The following FER variants were observed in gnomAD, a reference collection of about 807,000 sequenced individuals.
FER encodes tyrosine-protein kinase Fer.
A neutral mutation model predicts 111.0 loss-of-function variants in FER; 63 were observed. The ratio of observed to expected loss-of-function variants is 0.57; its 90% CI spans 0.46 to 0.70. The LOEUF is 0.70. Ranked by LOEUF, FER falls within the 30% of genes least tolerant of loss-of-function variation. The probability of loss-of-function intolerance (pLI) is 0.00; values close to 1 mark genes in which losing one functional copy is unlikely to be tolerated. For missense variants in FER, 914 were observed against 954.0 expected (o/e 0.96, Z 0.55); for synonymous variants, 327 against 313.9 (o/e 1.04, Z -0.44).
intron 3 of FER, among the ~76,000 whole-genome samples, chr5:108,807,004 A>G (rs1389792297): frequency 6.6e-6 from 1 of 152,044 alleles, no homozygotes. Flanking sequence ...TCTCATATTG[A>G]ATTTTAACTC....
At chr5:108,835,510 ATTTG>A (rs1760559657) in intron 4 of FER, among the ~76,000 whole-genome samples, 194 bp from the exon 5 acceptor site, 1 of 151,978 alleles carries the variant, frequency 6.6e-6, no homozygotes, top group Admixed American at 6.6e-5. Flanking sequence ...AAAAAAGTTT[ATTTG>A]TTTTCACATG....
intron 5 of FER, among the ~76,000 whole-genome samples, chr5:108,864,921 G>A (rs1763881683): frequency 6.6e-6 from 1 of 151,778 alleles, no homozygotes; most frequent in Non-Finnish European, 1.5e-5. Flanking sequence ...TGATGGGGAT[G>A]GCATTGAATC....
At chr5:108,819,484 G>A (rs1226807441) in intron 3 of FER, among the ~76,000 whole-genome samples, 1 of 152,164 alleles carries the variant, frequency 6.6e-6, no homozygotes, top group Non-Finnish European at 1.5e-5. Context: ...ACTTTAGGCA[G>A]ATTAATTTAT....
chr5:109,164,671 C>T (rs935575505), intron 17 of FER, among the ~76,000 whole-genome samples: 1 of 152,054 alleles, frequency 6.6e-6, no homozygotes, highest in African/African-American at 2.4e-5. Context: ...AATATGGTTC[C>T]TTTTATTCTA....
rs1185689423 is a variant in FER, at chr5:108,959,213, T to A, written c.1534-12T>A. 6.2e-7 allele frequency: 1 copy of A among 1,607,526 alleles called. No homozygotes were observed. Among genetic ancestry groups the A allele is most frequent in the Non-Finnish European group, 8.5e-7 (1 of 1,177,310 alleles). ...TCTTCACATTTATTCTACCTTATTG[T>A]TCTCTCTCCAGAACATGTATCGATT... On this transcript the variant is annotated splice_polypyrimidine_tract_variant and intron_variant, in intron 12 of 19. Transcript: ENST00000281092.
intron 9 of FER, among the ~76,000 whole-genome samples, chr5:108,891,145 C>T (rs759486574): frequency 5.3e-5 from 8 of 152,034 alleles, no homozygotes; most frequent in Non-Finnish European, 1.2e-4. Flanking sequence ...AACATCTTTT[C>T]AATGTGCTGG....
At chr5:109,170,925 C>T (rs1193186507) in intron 17 of FER, among the ~76,000 whole-genome samples, 4 of 152,088 alleles carry the variant, frequency 2.6e-5, no homozygotes, top group East Asian at 1.9e-4. Flanking sequence ...GTATACAGGA[C>T]GTTAGAGTTG....
rs764189893 is a variant in FER, at chr5:109,044,666, A to G, written c.1714-14A>G. The stretch of plus-strand genomic sequence containing the variant: ...GTCATTTACCCCAGACAATGAATGT[A>G]TTTCTATTTTCAGGGAAATTTTGGT... On this transcript the variant is annotated splice_polypyrimidine_tract_variant and intron_variant, in intron 14 of 19. Coordinates refer to ENST00000281092, the MANE Select transcript of FER (RefSeq NM_005246.4). 1.5e-6 allele frequency: 2 copies of G among 1,314,736 alleles called. No individual in the cohort carries two copies. The highest frequency in any genetic ancestry group is 1.1e-6 in the Non-Finnish European group (1 of 945,938). 81.4% of individuals were successfully genotyped at this position (1,314,736 alleles called of 1,614,324 possible).
At chr5:108,830,467 G>A (rs1218931284) in intron 3 of FER, 1 of 152,090 alleles carries the variant, frequency 6.6e-6, no homozygotes, top group Non-Finnish European at 1.5e-5. Context: ...ACAAAAGAAA[G>A]GAGTTTGGAT....
At chr5:109,055,606 G>A (rs10477435) in intron 16 of FER, among the ~76,000 whole-genome samples, 23,586 of 151,694 alleles carry the variant, frequency 0.16, 1,877 homozygotes, top group South Asian at 0.2. Flanking sequence ...GCAACGTAGT[G>A]AGATCCTGTC....
At chr5:109,133,270 A>T (rs985154326) in intron 17 of FER, among the ~76,000 whole-genome samples, 5 of 152,204 alleles carry the variant, frequency 3.3e-5, no homozygotes, top group African/African-American at 1.2e-4. Flanking sequence ...TATCATGAAG[A>T]TATGCAAACA....
intron 3 of FER, among the ~76,000 whole-genome samples, chr5:108,828,389 T>C (rs1427308961): frequency 6.6e-6 from 1 of 152,208 alleles, no homozygotes; most frequent in African/African-American, 2.4e-5. Flanking sequence ...AGCTATCTTC[T>C]GACTCTTCTA....
At position 108,915,735 on chromosome 5, in the gene FER, A is replaced by G. The variant is rs990632230; in HGVS notation, c.1236+17887A>G. On this transcript the variant is annotated intron_variant, in intron 10 of 19. Transcript: ENST00000281092. ...GGGAAAAGGAGATATGTGTCAGGAG[A>G]AAGGTAGCAAAAGAAACAGGTGAGG... 2.6e-5 allele frequency among the ~76,000 whole-genome samples: 4 copies of G among 152,100 alleles called. No individual in the cohort carries two copies. In the South Asian group the frequency reaches 8.3e-4, roughly 32 times the overall value.
chr5:109,010,580 A>G (rs570588093), intron 13 of FER, among the ~76,000 whole-genome samples: 8 of 152,230 alleles, frequency 5.3e-5, no homozygotes, highest in African/African-American at 1.9e-4. Flanking sequence ...ATCCAAATTA[A>G]GATAGTCCAA....
intron 5 of FER, among the ~76,000 whole-genome samples, chr5:108,850,848 A>G (rs1319809346): frequency 6.6e-6 from 1 of 152,232 alleles, no homozygotes; most frequent in Non-Finnish European, 1.5e-5. Flanking sequence ...ACAGTTTTCA[A>G]GTACATGATT....
intron 10 of FER, among the ~76,000 whole-genome samples, chr5:108,944,922 C>G (rs1411792755): frequency 2.0e-5 from 3 of 151,742 alleles, no homozygotes; most frequent in Non-Finnish European, 2.9e-5. Context: ...TATAAGGGAG[C>G]AATTTTTAAA....
At chr5:109,166,059 G>C (rs1417842653) in intron 17 of FER, among the ~76,000 whole-genome samples, 9 of 151,890 alleles carry the variant, frequency 5.9e-5, no homozygotes, top group South Asian at 4.2e-4. Flanking sequence ...TCAGGAGCTG[G>C]TTTCTGCTTG....
intron 16 of FER, among the ~76,000 whole-genome samples, chr5:109,057,432 A>G (rs569555163): frequency 1.3e-5 from 2 of 152,344 alleles, no homozygotes; most frequent in African/African-American, 4.8e-5. Flanking sequence ...GAGAGGTGAT[A>G]TCACCACAGA....
intron 18 of FER, 61 bp from the exon 19 acceptor site, chr5:109,186,139 G>T: frequency 6.2e-7 from 1 of 1,611,664 alleles, no homozygotes. Context: ...TACATAACCA[G>T]GAAGGGTCAC....
Sources: allele counts gnomAD v4.1 joint callset (sites outside exome capture counted in the v4.1 genomes callset), GRCh38; gene constraint gnomAD v4.1.1; transcripts MANE v1.5; gene names NCBI Gene and HGNC (gene_info 2026-07-23, HGNC 2026-07-21).